The following AFF3 variants were observed in gnomAD, a reference collection of about 807,000 sequenced individuals.
AFF3 encodes the protein ALF transcription elongation factor 3, also known as AF4/FMR2 family member 3.
AFF3 carries 32 observed loss-of-function variants against 129.7 expected under a neutral mutation model. That is an observed-to-expected ratio of 0.25 (90% confidence interval 0.19 to 0.33). The LOEUF is 0.33. Ranked by LOEUF, AFF3 falls within the 10% of genes least tolerant of loss-of-function variation. The pLI is 1.00. For synonymous variants in AFF3, 644 were observed against 635.4 expected, an observed-to-expected ratio of 1.01 and a Z score of -0.20; for missense variants, 1,373 against 1,592.0, an observed-to-expected ratio of 0.86 and a Z score of 2.34.
intron 13 of AFF3, among the ~76,000 whole-genome samples, chr2:99,648,591 C>T (rs1163761489): frequency 2.0e-5 from 3 of 152,128 alleles, no homozygotes; most frequent in Admixed American, 6.5e-5. Flanking sequence ...TACTCATGCT[C>T]AGTCTGCCAC....
chr2:99,565,275 G>C (rs1313057359), intron 20 of AFF3, among the ~76,000 whole-genome samples: 2 of 152,088 alleles, frequency 1.3e-5, no homozygotes, highest in Non-Finnish European at 2.9e-5. Context: ...TCAGCAATTG[G>C]GGGCTACAGC....
intron 4 of AFF3, among the ~76,000 whole-genome samples, chr2:100,035,733 C>T (rs1236410289): frequency 6.6e-6 from 1 of 152,092 alleles, no homozygotes; most frequent in Admixed American, 6.5e-5. Context: ...AATGAAAGAA[C>T]AAGAGAATAT....
chr2:99,938,396 C>T (rs950254507), intron 7 of AFF3, among the ~76,000 whole-genome samples: 16 of 152,104 alleles, frequency 1.1e-4, no homozygotes, highest in Admixed American at 9.8e-4. Context: ...TGAGTTAATA[C>T]ATGTCAGGTG....
At chr2:100,005,004 A>T (rs1369319694) in intron 7 of AFF3, among the ~76,000 whole-genome samples, 1 of 152,200 alleles carries the variant, frequency 6.6e-6, no homozygotes, top group African/African-American at 2.4e-5. Context: ...CAATGTCACT[A>T]CATATAGGGG....
At chr2:99,894,613 C>T (rs1250010974) in intron 7 of AFF3, among the ~76,000 whole-genome samples, 1 of 151,644 alleles carries the variant, frequency 6.6e-6, no homozygotes, top group Non-Finnish European at 1.5e-5. Context: ...GGACTACAGG[C>T]GCCCGCCACC....
intron 7 of AFF3, among the ~76,000 whole-genome samples, chr2:99,924,770 G>A (rs992002980): frequency 5.3e-5 from 8 of 152,088 alleles, no homozygotes; most frequent in African/African-American, 1.7e-4. Flanking sequence ...AATCTATCAC[G>A]TGCTATGCTG....
At chr2:100,087,920 C>T (rs1337951880) in intron 4 of AFF3, among the ~76,000 whole-genome samples, 2 of 149,254 alleles carry the variant, frequency 1.3e-5, no homozygotes, top group Non-Finnish European at 3.0e-5. Context: ...GATTAAAACC[C>T]ATATGACCAT....
At chr2:99,754,624 T>C (rs11123794) in intron 8 of AFF3, among the ~76,000 whole-genome samples, 110,773 of 152,114 alleles carry the variant, frequency 0.73, 41,508 homozygotes, top group East Asian at 0.92. Flanking sequence ...GTAACAGTAC[T>C]TTCAAAAGAA....
At position 99,618,224 on chromosome 2, in the gene AFF3, C is replaced by CTTTTTTTTTTTTTT. The variant is rs70940180; in HGVS notation, c.1185-16617_1185-16604dup. On this transcript the variant is annotated intron_variant, in intron 13 of 24. Coordinates refer to ENST00000672756, the MANE Select transcript of AFF3 (RefSeq NM_001386135.1). Reference sequence around the variant, plus strand: ...TAGATGAGAAAATGCTCATAACATTCTTTTTTTTTTTTTTTTTTTTTTTTT... The same window carrying CTTTTTTTTTTTTTT: ...TAGATGAGAAAATGCTCATAACATTCTTTTTTTTTTTTTTTTTTTTTTTTTTTTTTTTTTTTTTT... 4.6e-4 allele frequency among the ~76,000 whole-genome samples: 37 copies of CTTTTTTTTTTTTTT among 80,082 alleles called. 5 individuals are homozygous for CTTTTTTTTTTTTTT. The highest frequency in any genetic ancestry group is 1.9e-3 in the African/African-American group (33 of 17,692). 52.5% of individuals were successfully genotyped at this position (80,082 alleles called of 152,430 possible).
At chr2:99,881,339 T>A (rs748783637) in intron 7 of AFF3, among the ~76,000 whole-genome samples, 1 of 151,458 alleles carries the variant, frequency 6.6e-6, no homozygotes, top group Non-Finnish European at 1.5e-5. Context: ...TCATCATTCA[T>A]CATCCTAATG....
chr2:99,875,894 A>G (rs6756572), intron 7 of AFF3, among the ~76,000 whole-genome samples: 9,225 of 152,130 alleles, frequency 0.061, 817 homozygotes, highest in African/African-American at 0.19. Flanking sequence ...TGCGAAGGCC[A>G]TTCACGATCT....
intron 7 of AFF3, among the ~76,000 whole-genome samples, chr2:99,895,626 A>G (rs1693878451): frequency 1.3e-5 from 2 of 152,114 alleles, no homozygotes; most frequent in African/African-American, 4.8e-5. Context: ...CGTGCCAGCC[A>G]CAGTGAGCGT....
At chr2:100,079,633 A>G (rs1688880655) in intron 4 of AFF3, among the ~76,000 whole-genome samples, 1 of 152,198 alleles carries the variant, frequency 6.6e-6, no homozygotes, top group Admixed American at 6.5e-5. Flanking sequence ...AATATGATGA[A>G]CTGTACTTTC....
chr2:99,697,054 C>T (rs905419925), intron 11 of AFF3, among the ~76,000 whole-genome samples: 7 of 152,284 alleles, frequency 4.6e-5, no homozygotes, highest in African/African-American at 1.7e-4. Context: ...CCTTGTCATA[C>T]CCTGAACGTT....
chr2:99,902,088 G>A (rs1694383866), intron 7 of AFF3, among the ~76,000 whole-genome samples: 1 of 151,570 alleles, frequency 6.6e-6, no homozygotes, highest in South Asian at 2.1e-4. Context: ...CAGAACCCTT[G>A]TGTGCGGGTG....
chr2:100,013,205 T>C (rs575102162), intron 4 of AFF3, among the ~76,000 whole-genome samples: 2 of 152,206 alleles, frequency 1.3e-5, no homozygotes, highest in African/African-American at 2.4e-5. Flanking sequence ...AGGCCAATTA[T>C]GGTGGTTAAG....
chr2:99,815,025 T>A (rs577393686), intron 8 of AFF3, among the ~76,000 whole-genome samples: 1 of 152,130 alleles, frequency 6.6e-6, no homozygotes, highest in South Asian at 2.1e-4. Flanking sequence ...GATTTTTGTA[T>A]TAAAATGACA....
intron 8 of AFF3, among the ~76,000 whole-genome samples, chr2:99,834,810 C>T (rs1194113684): frequency 6.6e-6 from 1 of 152,160 alleles, no homozygotes. Flanking sequence ...CCCTTAGTCT[C>T]TAAAAGTCAG....
At chr2:99,915,497 A>C (rs113451159) in intron 7 of AFF3, among the ~76,000 whole-genome samples, 254 of 152,312 alleles carry the variant, frequency 1.7e-3, no homozygotes, top group African/African-American at 5.9e-3. Flanking sequence ...GGGAGTAAAA[A>C]GCAAAAGCCA....
Sources: allele counts gnomAD v4.1 joint callset (sites outside exome capture counted in the v4.1 genomes callset), GRCh38; gene constraint gnomAD v4.1.1; transcripts MANE v1.5; gene names NCBI Gene and HGNC (gene_info 2026-07-23, HGNC 2026-07-21).